Variants in RALYL observed in about 807,000 individuals in gnomAD.
The protein encoded by RALYL is RNA-binding Raly-like protein.
In RALYL, 29 loss-of-function variants were observed where a neutral mutation model predicts 35.1. The ratio of observed to expected loss-of-function variants is 0.83; its 90% CI spans 0.61 to 1.13. The LOEUF (loss-of-function observed/expected upper bound fraction) is 1.13. RALYL is among the 50% of genes most tolerant of loss of function. The pLI is 0.00. For missense variants in RALYL, 359 were observed against 360.4 expected, an observed-to-expected ratio of 1.00 and a Z score of 0.03; for synonymous variants, 120 against 127.6, an observed-to-expected ratio of 0.94 and a Z score of 0.40.
At chr8:84,518,993 G>A (rs1587932623) in intron 1 of RALYL, among the ~76,000 whole-genome samples, 1 of 152,262 alleles carries the variant, frequency 6.6e-6, no homozygotes, top group East Asian at 1.9e-4. Context: ...ATTCAGTGGA[G>A]GAATAAGAGG....
intron 2 of RALYL, among the ~76,000 whole-genome samples, chr8:84,648,622 T>G (rs541409542): frequency 1.3e-5 from 2 of 151,968 alleles, no homozygotes; most frequent in Non-Finnish European, 2.9e-5. Flanking sequence ...ATGGAATAAA[T>G]CATTATACAT....
chr8:84,280,950 C>T (rs1184511271), intron 1 of RALYL, among the ~76,000 whole-genome samples: 1 of 152,074 alleles, frequency 6.6e-6, no homozygotes, highest in African/African-American at 2.4e-5. Context: ...ACATTTAAAA[C>T]TCTGTGATGT....
chr8:84,516,570 C>A (rs2058083435), intron 1 of RALYL, among the ~76,000 whole-genome samples: 1 of 151,872 alleles, frequency 6.6e-6, no homozygotes, highest in Non-Finnish European at 1.5e-5. Flanking sequence ...TCTATTGGAC[C>A]AAAATTGATA....
rs1587656659 is a variant in RALYL, at chr8:84,478,922, T to TAAAAAAAAAAAAAAAAAAAAAAAAAAA, written c.-23-50372_-23-50371insAAAAAAAAAAAAAAAAAAAAAAAAAAA. On this transcript the variant is annotated intron_variant, in intron 1 of 8. Transcript: ENST00000521268. ...TAACACCGTGAAACCCCGTCTCTAC[T>TAAAAAAAAAAAAAAAAAAAAAAAAAAA]AAAAATACAAAACATTAGCCGGGCA... 1.0e-3 allele frequency among the ~76,000 whole-genome samples: 89 copies of TAAAAAAAAAAAAAAAAAAAAAAAAAAA among 85,244 alleles called. 7 individuals carry two copies. The highest frequency in any genetic ancestry group is 2.1e-3 in the East Asian group (5 of 2,354). The allele number at this position is 85,244 out of a possible 152,430, so 55.9% of individuals were successfully genotyped here.
chr8:84,468,871 C>G (rs1326932887), intron 1 of RALYL, among the ~76,000 whole-genome samples: 13 of 151,916 alleles, frequency 8.6e-5, no homozygotes, highest in Non-Finnish European at 1.6e-4. Flanking sequence ...CTAGACTTCC[C>G]TTCTCGCTTC....
At chr8:84,444,705 C>T (rs563257445) in intron 1 of RALYL, among the ~76,000 whole-genome samples, 9 of 152,020 alleles carry the variant, frequency 5.9e-5, no homozygotes, top group Admixed American at 1.3e-4. Context: ...AGGAGACAAG[C>T]GTCCATGCAA....
At chr8:84,419,570 A>G (rs981317286) in intron 1 of RALYL, among the ~76,000 whole-genome samples, 1 of 151,640 alleles carries the variant, frequency 6.6e-6, no homozygotes. Context: ...TTATACATTA[A>G]GTTTTAGGGT....
chr8:84,499,451 G>T (rs919074207), intron 1 of RALYL, among the ~76,000 whole-genome samples: 1 of 152,134 alleles, frequency 6.6e-6, no homozygotes, highest in African/African-American at 2.4e-5. Context: ...AAGATCTGAA[G>T]ATTATTTTTA....
chr8:84,534,570 C>T (rs570036501), intron 2 of RALYL, among the ~76,000 whole-genome samples: 18 of 152,246 alleles, frequency 1.2e-4, no homozygotes, highest in African/African-American at 4.1e-4. Flanking sequence ...GGCAAATGCT[C>T]AGTGAGGATG....
chr8:84,601,446 A>T (rs1191742816), intron 2 of RALYL, among the ~76,000 whole-genome samples: 1 of 151,998 alleles, frequency 6.6e-6, no homozygotes, highest in East Asian at 1.9e-4. Flanking sequence ...CTAAACATCC[A>T]CTTTCTCGGC....
intron 1 of RALYL, among the ~76,000 whole-genome samples, chr8:84,205,038 A>G (rs1339996370): frequency 6.6e-6 from 1 of 152,140 alleles, no homozygotes; most frequent in African/African-American, 2.4e-5. Flanking sequence ...CTGATTCTGA[A>G]ATCTTCTAAC....
intron 7 of RALYL, among the ~76,000 whole-genome samples, chr8:84,880,767 T>A (rs2135351683): frequency 6.6e-6 from 1 of 152,112 alleles, no homozygotes; most frequent in East Asian, 1.9e-4. Flanking sequence ...TAGGACATTT[T>A]CATCCCCCTA....
At chr8:84,904,789 A>G (rs1359377841) in intron 8 of RALYL, among the ~76,000 whole-genome samples, 2 of 152,136 alleles carry the variant, frequency 1.3e-5, no homozygotes, top group East Asian at 3.8e-4. Flanking sequence ...TAGACTCATA[A>G]AATTTTAACC....
chr8:84,843,939 C>A (rs1320352002), intron 4 of RALYL, among the ~76,000 whole-genome samples: 1 of 152,178 alleles, frequency 6.6e-6, no homozygotes. Flanking sequence ...AACTGTATCC[C>A]TTCTTTACAC....
At chr8:84,383,200 A>C (rs535995520) in intron 1 of RALYL, among the ~76,000 whole-genome samples, 1 of 151,938 alleles carries the variant, frequency 6.6e-6, no homozygotes, top group African/African-American at 2.4e-5. Context: ...ATTATATCTG[A>C]AGACACAGGT....
At chr8:84,651,631 T>G (rs1457806058) in intron 2 of RALYL, among the ~76,000 whole-genome samples, 3 of 152,094 alleles carry the variant, frequency 2.0e-5, no homozygotes, top group Non-Finnish European at 4.4e-5. Flanking sequence ...TGTCATTTGA[T>G]ATACTTTACA....
At chr8:84,573,903 C>A (rs368593650) in intron 2 of RALYL, among the ~76,000 whole-genome samples, 1 of 151,738 alleles carries the variant, frequency 6.6e-6, no homozygotes, top group Non-Finnish European at 1.5e-5. Context: ...TATTTTTATG[C>A]TTTTCTTTTA....
At chr8:84,671,261 C>T (rs949532885) in intron 2 of RALYL, among the ~76,000 whole-genome samples, 4 of 152,132 alleles carry the variant, frequency 2.6e-5, no homozygotes, top group Non-Finnish European at 4.4e-5. Context: ...GGGATACAGC[C>T]CTCCCTGCTG....
chr8:84,813,313 G>T (rs1826341965), intron 4 of RALYL, among the ~76,000 whole-genome samples: 1 of 152,194 alleles, frequency 6.6e-6, no homozygotes, highest in Non-Finnish European at 1.5e-5. Flanking sequence ...CAGAGGGTCT[G>T]TGGGTCCTCT....
Sources: gnomAD v4.1 joint callset for allele counts (sites outside exome capture counted in the v4.1 genomes callset) on GRCh38, gnomAD v4.1.1 for gene constraint, MANE v1.5 for transcripts, NCBI Gene and HGNC (gene_info 2026-07-23, HGNC 2026-07-21) for gene names.